SCUBE2: variants seen among roughly 807,000 people sequenced by gnomAD.
The protein encoded by SCUBE2 is signal peptide, CUB domain and EGF like domain containing 2, also known as signal peptide, CUB and EGF-like domain-containing protein 2.
Under a neutral mutation model 125.9 loss-of-function variants are expected in SCUBE2, and 114 were observed. The ratio of observed to expected loss-of-function variants is 0.91; its 90% CI spans 0.78 to 1.06. SCUBE2 has a LOEUF of 1.06. SCUBE2 is among the 50% of genes least tolerant of loss of function. The probability of loss-of-function intolerance (pLI) is 0.00; values close to 1 mark genes in which losing one functional copy is unlikely to be tolerated. For missense variants in SCUBE2, 1,255 were observed against 1,301.8 expected (o/e 0.96, Z 0.55); for synonymous variants, 459 against 492.9 (o/e 0.93, Z 0.91).
chr11:9,060,337 C>T, intron 8 of SCUBE2, 71 bp downstream of exon 8: 2 of 1,185,376 alleles, frequency 1.7e-6, no homozygotes, highest in South Asian at 1.3e-5. Flanking sequence ...TGCCTTTATC[C>T]CCATATGTTA....
intron 21 of SCUBE2, among the ~76,000 whole-genome samples, chr11:9,023,115 T>C (rs113981530): frequency 0.012 from 1,769 of 152,316 alleles, 34 homozygotes; most frequent in African/African-American, 0.04. Context: ...CCTATAGGCA[T>C]CATTCAAATT....
At chr11:9,085,882 G>C (rs1167947253) in intron 2 of SCUBE2, among the ~76,000 whole-genome samples, 1 of 150,494 alleles carries the variant, frequency 6.6e-6, no homozygotes, top group Non-Finnish European at 1.5e-5. Context: ...GCCCAGGCTG[G>C]AGTGCAGTGG....
At chr11:9,073,441 G>T (rs923660177) in intron 4 of SCUBE2, among the ~76,000 whole-genome samples, 6 of 152,082 alleles carry the variant, frequency 3.9e-5, no homozygotes, top group Non-Finnish European at 8.8e-5. Flanking sequence ...TACCCAAACA[G>T]GTATTCTAGT....
intron 2 of SCUBE2, 24 bp downstream of exon 2, chr11:9,089,683 C>A: frequency 8.7e-6 from 14 of 1,611,262 alleles, no homozygotes; most frequent in Non-Finnish European, 1.2e-5. Flanking sequence ...TACAGTCCCC[C>A]CACATGGTCC....
intron 16 of SCUBE2, among the ~76,000 whole-genome samples, chr11:9,045,738 C>A (rs1857664915): frequency 6.6e-6 from 1 of 152,118 alleles, no homozygotes; most frequent in African/African-American, 2.4e-5. Context: ...CCCACTTCCT[C>A]CCTCAGCAGC....
intron 5 of SCUBE2, among the ~76,000 whole-genome samples, chr11:9,069,044 C>T (rs2049276008): frequency 6.6e-6 from 1 of 152,196 alleles, no homozygotes; most frequent in Non-Finnish European, 1.5e-5. Context: ...GAAGCAGGAC[C>T]TGGTGGCAAA....
intron 2 of SCUBE2, among the ~76,000 whole-genome samples, chr11:9,080,984 G>T (rs1861594165): frequency 6.6e-6 from 1 of 152,096 alleles, no homozygotes; most frequent in Non-Finnish European, 1.5e-5. Flanking sequence ...ACAAGCACAT[G>T]AAAAAATGCT....
At chr11:9,053,418 A>G (rs1858644303) in intron 11 of SCUBE2, among the ~76,000 whole-genome samples, 1 of 152,254 alleles carries the variant, frequency 6.6e-6, no homozygotes, top group Non-Finnish European at 1.5e-5. Flanking sequence ...GCAACCAGGA[A>G]AACAGAAGTG....
chr11:9,068,921 C>T (rs982793641), intron 5 of SCUBE2, among the ~76,000 whole-genome samples: 1 of 152,138 alleles, frequency 6.6e-6, no homozygotes, highest in Non-Finnish European at 1.5e-5. Flanking sequence ...GTCCACCACG[C>T]CAGGAAGGCA....
chr11:9,035,000 GA>G lies in SCUBE2; in HGVS notation c.2003-1205del, dbSNP rs997221769. The stretch of plus-strand genomic sequence containing the variant: ...CCACAGAGTGAGGCTCTGTCTCAAA[GA>G]AAAAAAAAATCAATACAACAAAGTG... On this transcript the variant is annotated intron_variant, in intron 16 of 22. Coordinates refer to ENST00000649792, the MANE Select transcript of SCUBE2 (RefSeq NM_001367977.2). Among the ~76,000 whole-genome samples, 8 of 148,560 alleles carry G rather than the reference GA, an allele frequency of 5.4e-5. No homozygotes were observed. In the South Asian group the frequency reaches 8.5e-4, roughly 16 times the overall value.
rs1855874215 is a variant in SCUBE2 at position 9,027,419 on chromosome 11, C to CT, written c.2645dup (p.Ile883AspfsTer28). 1 of 1,614,078 alleles carries CT rather than the reference C, an allele frequency of 6.2e-7. No homozygotes were observed. Among genetic ancestry groups the CT allele is most frequent in the Non-Finnish European group, 8.5e-7 (1 of 1,180,016 alleles). On this transcript the variant is annotated frameshift_variant, in exon 20 of 23. Coordinates refer to ENST00000649792, the MANE Select transcript of SCUBE2 (RefSeq NM_001367977.2). LOFTEE classifies it high-confidence loss of function. Reference sequence around the variant, plus strand: ...AGTCGTCCTCTATGGGCAGGAAGATCTCAGGGACCACGATCAGGATGCGGC... The same window carrying CT: ...AGTCGTCCTCTATGGGCAGGAAGATCTTCAGGGACCACGATCAGGATGCGGC...
intron 16 of SCUBE2, among the ~76,000 whole-genome samples, chr11:9,043,394 T>C (rs757509040): frequency 6.6e-6 from 1 of 152,228 alleles, no homozygotes; most frequent in African/African-American, 2.4e-5. Flanking sequence ...TAGTTAATTT[T>C]CTTTAGACAT....
Position 9,054,137 on chromosome 11 carries a change from C to T in SCUBE2, c.1208-378G>A, listed in dbSNP as rs763482288. On this transcript the variant is annotated intron_variant, in intron 10 of 22. Transcript: ENST00000649792. ...TCAGCCTCCCAAGTAGCTGGGATTA[C>T]GGGCATGTGCCAACACGCCTGGCTA... Among the ~76,000 whole-genome samples the T allele has an allele frequency of 1.9e-3, 284 of 152,108 alleles. 6 individuals are homozygous for T. Among genetic ancestry groups the T allele is most frequent in the Non-Finnish European group, 4.4e-4 (30 of 68,016 alleles).
intron 1 of SCUBE2, chr11:9,090,298 G>A (rs1347467358): frequency 6.5e-6 from 1 of 154,346 alleles, no homozygotes; most frequent in Non-Finnish European, 1.5e-5. Flanking sequence ...CGCTAAAGGA[G>A]GAAAGGACCA....
intron 19 of SCUBE2, among the ~76,000 whole-genome samples, 153 bp downstream of exon 19, chr11:9,029,731 C>G (rs560904676): frequency 5.3e-5 from 8 of 152,212 alleles, no homozygotes; most frequent in Non-Finnish European, 1.0e-4. Context: ...TGCTCTCTCT[C>G]CATGCTGGTC....
rs182131440 is a variant in SCUBE2 at position 9,083,360 on chromosome 11, G to A, written c.257-3851C>T. On this transcript the variant is annotated intron_variant, in intron 2 of 22. Transcript: ENST00000649792. ...CTTTAAGGCTAAAAACAAAATAGCT[G>A]TATGCTATACTCTAGTAAATATTGT... Among the ~76,000 whole-genome samples the A allele has an allele frequency of 2.2e-3, 333 of 152,156 alleles. 1 individual carries two copies. The highest frequency in any genetic ancestry group is 7.8e-3 in the African/African-American group (323 of 41,514).
chr11:9,029,837 C>G (rs182307677), intron 19 of SCUBE2, 47 bp downstream of exon 19: 2,009 of 1,609,176 alleles, frequency 1.2e-3, no homozygotes, highest in Non-Finnish European at 1.3e-3. Context: ...GACCCAGACA[C>G]CTATCTTCTT....
rs1590181880 is a variant in SCUBE2 at position 9,091,444 on chromosome 11, CCAGCAGCAGCAGTGGCGG to C, written c.67_84del (p.Pro23_Leu28del). 4.5e-6 allele frequency: 6 copies of C among 1,331,092 alleles called. No individual in the cohort carries two copies. The highest frequency in any genetic ancestry group is 1.8e-5 in the South Asian group (1 of 54,426). 82.5% of individuals were successfully genotyped at this position (1,331,092 alleles called of 1,614,324 possible). Reference sequence around the variant, plus strand: ...CCCCGACCCGGCGGGACGGCCCCCGCCAGCAGCAGCAGTGGCGGCAGCAGCAGCAGCAGCAGCAGCACC... The same window carrying C: ...CCCCGACCCGGCGGGACGGCCCCCGCCAGCAGCAGCAGCAGCAGCAGCACC... On this transcript the variant is annotated inframe_deletion, in exon 1 of 23. Coordinates refer to ENST00000649792, the MANE Select transcript of SCUBE2 (RefSeq NM_001367977.2). The surrounding 1 kb of genome is among the most constrained non-coding windows in gnomAD (Gnocchi z 8.5).
Position 9,030,835 on chromosome 11 carries a change from G to T in SCUBE2, c.2264C>A (p.Thr755Asn), listed in dbSNP as rs369030648. ...GCCTCCTCCACAGGGGAAGCAGGAA[G>T]TTCGACCAGCTTCAGGCTGGAACGT... ...LGTFQPEAGRTSCFPCGGGLA... is the reference protein window; with the variant it reads ...LGTFQPEAGRNSCFPCGGGLA... The change falls in exon 18 of 23, where the codon ACT becomes AAT. Residue 755 changes from threonine to asparagine, a missense_variant. Thr to Asn is a moderately conservative substitution (Grantham distance 65). This residue lies in a region of SCUBE2 where 515 missense variants were observed against 515.7 expected (regional missense o/e 1.00). Transcript: ENST00000649792. 108 of 1,614,102 alleles carry T rather than the reference G, an allele frequency of 6.7e-5. No individual in the cohort carries two copies. The highest frequency in any genetic ancestry group is 8.8e-5 in the Non-Finnish European group (104 of 1,180,032).
Sources: allele counts gnomAD v4.1 joint callset (sites outside exome capture counted in the v4.1 genomes callset), GRCh38; gene constraint gnomAD v4.1.1; regional missense constraint gnomAD v4.1.1; non-coding constraint Gnocchi (gnomAD v3.1); transcripts MANE v1.5; gene names NCBI Gene and HGNC (gene_info 2026-07-23, HGNC 2026-07-21).